Variants in SPPL2A observed in about 807,000 individuals in gnomAD.
SPPL2A encodes signal peptide peptidase-like 2A.
SPPL2A carries 51 observed loss-of-function variants against 63.8 expected under a neutral mutation model. The observed-to-expected ratio is 0.80, with a 90% CI of 0.64 to 1.01. The LOEUF (loss-of-function observed/expected upper bound fraction) is 1.01. Ranked by LOEUF, SPPL2A falls within the 50% of genes least tolerant of loss-of-function variation. The pLI is 0.00. For missense variants in SPPL2A, 553 were observed against 622.7 expected (o/e 0.89, Z 1.19); for synonymous variants, 188 against 205.8 (o/e 0.91, Z 0.74).
At chr15:50,734,742 G>A (rs1437704360) in intron 8 of SPPL2A, among the ~76,000 whole-genome samples, 1 of 152,134 alleles carries the variant, frequency 6.6e-6, no homozygotes, top group African/African-American at 2.4e-5. Flanking sequence ...TTACTCTGAT[G>A]TGATCATTCA....
At chr15:50,745,866 C>T (rs1297148809) in intron 5 of SPPL2A, among the ~76,000 whole-genome samples, 1 of 150,984 alleles carries the variant, frequency 6.6e-6, no homozygotes, top group Non-Finnish European at 1.5e-5. Context: ...GTCTGGCCAA[C>T]ATGGTGAAAA....
intron 10 of SPPL2A, among the ~76,000 whole-genome samples, chr15:50,727,610 G>C (rs2062696215): frequency 6.6e-6 from 1 of 152,148 alleles, no homozygotes; most frequent in South Asian, 2.1e-4. Flanking sequence ...GAGCACAGTG[G>C]TGGACGGAAA....
intron 5 of SPPL2A, among the ~76,000 whole-genome samples, chr15:50,745,951 T>C (rs2062854052): frequency 6.6e-6 from 1 of 151,826 alleles, no homozygotes; most frequent in Non-Finnish European, 1.5e-5. Flanking sequence ...CTAAAGAGGC[T>C]GAGGCAGGGG....
chr15:50,740,117 G>T (rs2062806840), intron 5 of SPPL2A, among the ~76,000 whole-genome samples: 1 of 151,924 alleles, frequency 6.6e-6, no homozygotes, highest in Admixed American at 6.6e-5. Flanking sequence ...ATTTTTTTCT[G>T]CAGGCAAAAT....
intron 1 of SPPL2A, among the ~76,000 whole-genome samples, chr15:50,762,514 G>T (rs1172248357): frequency 6.6e-6 from 1 of 152,160 alleles, no homozygotes; most frequent in Non-Finnish European, 1.5e-5. Flanking sequence ...TGTAGCTTCA[G>T]TTCAAAATAC....
intron 10 of SPPL2A, among the ~76,000 whole-genome samples, chr15:50,729,916 C>T (rs1171675653): frequency 1.3e-5 from 2 of 151,192 alleles, no homozygotes; most frequent in African/African-American, 4.8e-5. Flanking sequence ...TGGGAGGACT[C>T]CTGGGCTTGA....
rs1386007752 is a variant in SPPL2A at position 50,765,621 on chromosome 15, C to G, written c.-88G>C. 6 of 963,476 alleles carry G rather than the reference C, an allele frequency of 6.2e-6. No individual in the cohort carries two copies. The highest frequency in any genetic ancestry group is 8.4e-6 in the Non-Finnish European group (6 of 717,600). 59.7% of individuals were successfully genotyped at this position (963,476 alleles called of 1,614,324 possible). A position where few individuals can be genotyped will look rare whatever the true frequency, so the allele number is the denominator to read the frequency against. ...CGGAGTCCCGCCGCTGCGCTGCCTC[C>G]GTGGCCGGACCGGACCGGACAGGCG... is the stretch of plus-strand genomic sequence containing the variant. On this transcript the variant is annotated 5_prime_UTR_variant, in exon 1 of 15. Transcript: ENST00000261854.
At position 50,703,006 on chromosome 15, in the gene SPPL2A, AC is replaced by A. The variant is rs1375020593; in HGVS notation, c.*4793del. 1 of 152,104 alleles carries A rather than the reference AC, an allele frequency of 6.6e-6. No individual in the cohort carries two copies. Among genetic ancestry groups the A allele is most frequent in the African/African-American group, 2.4e-5 (1 of 41,420 alleles). 9.4% of individuals were successfully genotyped at this position (152,104 alleles called of 1,614,324 possible). A position where few individuals can be genotyped will look rare whatever the true frequency, so the allele number is the denominator to read the frequency against. ...AATTTGATTCAGATCTCTTGAATTT[AC>A]AGAGTACTTTTCCTCCAGGAAATGT... On this transcript the variant is annotated 3_prime_UTR_variant, in exon 15 of 15. Transcript: ENST00000261854.
At position 50,719,936 on chromosome 15, in the gene SPPL2A, A is replaced by G. The variant is rs2062631156; in HGVS notation, c.1488+4T>C. On this transcript the variant is annotated splice_donor_region_variant and intron_variant, in intron 14 of 14. Transcript: ENST00000261854. ...AACTTGGTAACCAAAGTATAAGCAC[A>G]TACCTGATAGCTGTTACCTTTCCAG... The G allele has an allele frequency of 6.2e-7, 1 of 1,607,032 alleles. No individual in the cohort carries two copies.
At chr15:50,727,982 G>A (rs1226596226) in intron 10 of SPPL2A, among the ~76,000 whole-genome samples, 1 of 152,096 alleles carries the variant, frequency 6.6e-6, no homozygotes, top group African/African-American at 2.4e-5. Context: ...AATTTCTTAA[G>A]CACAAAAGAA....
chr15:50,742,344 C>T (rs570925619), intron 5 of SPPL2A, among the ~76,000 whole-genome samples: 4 of 151,814 alleles, frequency 2.6e-5, no homozygotes, highest in African/African-American at 4.8e-5. Flanking sequence ...GAGCCAAGAT[C>T]GCGCCATTGC....
intron 5 of SPPL2A, among the ~76,000 whole-genome samples, chr15:50,746,478 T>C (rs1436518417): frequency 1.4e-5 from 2 of 147,310 alleles, no homozygotes; most frequent in African/African-American, 5.0e-5. Flanking sequence ...TGTAAAAACA[T>C]TTATGTTTAT....
At chr15:50,717,912 T>C (rs1038366249) in intron 14 of SPPL2A, among the ~76,000 whole-genome samples, 55 of 151,930 alleles carry the variant, frequency 3.6e-4, no homozygotes, top group Non-Finnish European at 7.2e-4. Context: ...CTAATAGGTT[T>C]ATCACACTTT....
chr15:50,706,371 C>A lies in SPPL2A; in HGVS notation c.*1429G>T. ...CGCCACTGCACTCCAGCCTGGGCGA[C>A]AGAGCGAGACTCCGTCTCAAAAAAA... is the stretch of plus-strand genomic sequence containing the variant. On this transcript the variant is annotated 3_prime_UTR_variant, in exon 15 of 15. Transcript: ENST00000261854. The A allele has an allele frequency of 8.7e-6, 1 of 115,534 alleles. No individual in the cohort carries two copies. The highest frequency in any genetic ancestry group is 2.6e-4 in the East Asian group (1 of 3,810). 7.2% of individuals were successfully genotyped at this position (115,534 alleles called of 1,614,324 possible).
At chr15:50,749,318 C>T (rs1273078156) in intron 2 of SPPL2A, among the ~76,000 whole-genome samples, 4 of 151,976 alleles carry the variant, frequency 2.6e-5, no homozygotes, top group Admixed American at 1.3e-4. Flanking sequence ...GACGAAGTCT[C>T]ACCCTGTTGC....
chr15:50,739,927 A>G (rs1190956954), intron 5 of SPPL2A, 99 bp from the exon 6 acceptor site: 3 of 610,176 alleles, frequency 4.9e-6, no homozygotes, highest in Non-Finnish European at 5.0e-6. Flanking sequence ...TGAAGAAAAC[A>G]ATGTATTTTT....
At chr15:50,728,444 C>T (rs1023327951) in intron 10 of SPPL2A, among the ~76,000 whole-genome samples, 6 of 147,186 alleles carry the variant, frequency 4.1e-5, no homozygotes, top group African/African-American at 1.3e-4. Context: ...CCTGGGTTCA[C>T]GCCATTCTCC....
At chr15:50,749,933 T>C (rs1432173249) in intron 1 of SPPL2A, 187 bp from the exon 2 acceptor site, 1 of 582,038 alleles carries the variant, frequency 1.7e-6, no homozygotes, top group Non-Finnish European at 3.1e-6. Context: ...TATACACAAT[T>C]GCCCAGCACA....
rs116494411 is a variant in SPPL2A, at chr15:50,723,995, C to A, written c.1249+1226G>T. On this transcript the variant is annotated intron_variant, in intron 12 of 14. Coordinates refer to ENST00000261854, the MANE Select transcript of SPPL2A (RefSeq NM_032802.4). Reference sequence around the variant, plus strand: ...ATATGCTATTTTTACCAGTTCTATGCCAAGTTCTATATAGAAGATCTTGTA... The same window carrying A: ...ATATGCTATTTTTACCAGTTCTATGACAAGTTCTATATAGAAGATCTTGTA... 6.5e-3 allele frequency among the ~76,000 whole-genome samples: 990 copies of A among 152,112 alleles called. 12 individuals are homozygous for A. The highest frequency in any genetic ancestry group is 0.022 in the African/African-American group (930 of 41,478).
Sources: allele counts gnomAD v4.1 joint callset (sites outside exome capture counted in the v4.1 genomes callset), GRCh38; gene constraint gnomAD v4.1.1; transcripts MANE v1.5; gene names NCBI Gene and HGNC (gene_info 2026-07-23, HGNC 2026-07-21).